HPSE: variants seen among roughly 807,000 people sequenced by gnomAD.
The protein encoded by HPSE is heparanase.
In HPSE, 48 loss-of-function variants were observed where a neutral mutation model predicts 65.1. The observed-to-expected ratio is 0.74, with a 90% CI of 0.58 to 0.94. HPSE has a LOEUF of 0.94. Among genes scored for constraint, HPSE ranks in the 40% least tolerant of loss-of-function variants. HPSE has a pLI of 0.00. For missense variants in HPSE, 644 were observed against 637.5 expected (o/e 1.01, Z -0.11); for synonymous variants, 243 against 260.0 (o/e 0.93, Z 0.63).
Position 83,313,136 on chromosome 4 carries a change from GT to G in HPSE, c.650del (p.Asn217ThrfsTer6). On this transcript the variant is annotated frameshift_variant, in exon 4 of 12. Transcript: ENST00000311412. LOFTEE classifies it high-confidence loss of function. The part of the protein sequence containing the change: ...LLDYCSSKGY[N>X]ISWELGNEPN... ...CACCATTGCCTAGTTCCCAAGAAATGTTATACCCCTTGGAAGAGCAGTAGTC... is the reference window on the plus strand; with the variant it reads ...CACCATTGCCTAGTTCCCAAGAAATGTATACCCCTTGGAAGAGCAGTAGTC... The G allele has an allele frequency of 1.2e-6, 2 of 1,612,498 alleles. No homozygotes were observed. Among genetic ancestry groups the G allele is most frequent in the Non-Finnish European group, 1.7e-6 (2 of 1,178,872 alleles).
chr4:83,310,877 G>A lies in HPSE; in HGVS notation c.687C>T (p.Phe229=). The A allele has an allele frequency of 6.2e-7, 1 of 1,612,700 alleles. No homozygotes were observed. The highest frequency in any genetic ancestry group is 1.7e-4 in the Middle Eastern group (1 of 6,052). Residue 229 remains phenylalanine, a synonymous_variant, in exon 5 of 12, where the codon TTC becomes TTT. Transcript: ENST00000311412. The part of the protein sequence containing the change: ...SWELGNEPNS[F]LKKADIFING... The stretch of plus-strand genomic sequence containing the variant: ...TGATGAAAATATCAGCCTTCTTAAG[G>A]AAACTGTTAGGTTCTGAAAGACAGC...
At position 83,318,007 on chromosome 4, in the gene HPSE, G is replaced by A. The variant is rs558272592; in HGVS notation, c.499+1337C>T. The stretch of plus-strand genomic sequence containing the variant: ...GACAACATTAGCTATTAGCATATGC[G>A]CTATTTTTTGATTTCTTATGGAACA... On this transcript the variant is annotated intron_variant, in intron 3 of 11. Coordinates refer to ENST00000311412, the MANE Select transcript of HPSE (RefSeq NM_001098540.3). Among the ~76,000 whole-genome samples, 9 of 152,166 alleles carry A rather than the reference G, an allele frequency of 5.9e-5. No individual in the cohort carries two copies. The South Asian group carries it at 6.2e-4, about 11-fold the overall frequency.
intron 2 of HPSE, among the ~76,000 whole-genome samples, chr4:83,321,503 C>T (rs554437752): frequency 2.8e-4 from 42 of 152,090 alleles, no homozygotes; most frequent in Admixed American, 2.4e-3. Flanking sequence ...ATAGAGACAA[C>T]GTCTCTCTAT....
In HPSE at chr4:83,317,231, G is replaced by C. The variant is rs144353428; in HGVS notation, c.499+2113C>G. ...TGTGTTTTAAGGGTGCAGGCCACTAGCTAAGCAATGAACATGTCCTTATCT... is the reference window on the plus strand; with the variant it reads ...TGTGTTTTAAGGGTGCAGGCCACTACCTAAGCAATGAACATGTCCTTATCT... On this transcript the variant is annotated intron_variant, in intron 3 of 11. Coordinates refer to ENST00000311412, the MANE Select transcript of HPSE (RefSeq NM_001098540.3). Among the ~76,000 whole-genome samples, 483 of 152,286 alleles carry C rather than the reference G, an allele frequency of 3.2e-3. 4 individuals are homozygous for C. The highest frequency in any genetic ancestry group is 0.017 in the Middle Eastern group (5 of 294).
intron 11 of HPSE, among the ~76,000 whole-genome samples, chr4:83,299,936 G>T (rs559982604): frequency 1.7e-4 from 26 of 152,206 alleles, no homozygotes; most frequent in Admixed American, 1.7e-3. Flanking sequence ...CTCCTGGGCT[G>T]AAGTGATCTG....
intron 11 of HPSE, among the ~76,000 whole-genome samples, chr4:83,299,399 G>A (rs9307823): frequency 0.99 from 139,075 of 140,172 alleles, 69,002 homozygotes; most frequent in South Asian, 1. Flanking sequence ...AGAAGAAAGA[G>A]AAAATGTCTA....
At chr4:83,319,259 A>T (rs1380992757) in intron 3 of HPSE, 85 bp downstream of exon 3, 1 of 1,337,702 alleles carries the variant, frequency 7.5e-7, no homozygotes, top group Non-Finnish European at 1.1e-6. Flanking sequence ...CAACTTCCGT[A>T]GGACTTGCTA....
chr4:83,298,203 C>T (rs769709236), intron 11 of HPSE, among the ~76,000 whole-genome samples: 21 of 151,950 alleles, frequency 1.4e-4, no homozygotes, highest in Non-Finnish European at 2.8e-4. Context: ...AATAACATGA[C>T]GACAAAGAAA....
intron 1 of HPSE, among the ~76,000 whole-genome samples, chr4:83,324,123 T>TTC (rs1737040765): frequency 7.2e-6 from 1 of 138,876 alleles, no homozygotes; most frequent in African/African-American, 2.8e-5. Flanking sequence ...CTTTTTTTTT[T>TTC]TTTTTTTTTT....
intron 1 of HPSE, 136 bp downstream of exon 1, chr4:83,334,420 A>C: frequency 1.1e-6 from 1 of 940,882 alleles, no homozygotes. Flanking sequence ...AGAGGCGGGA[A>C]GTGGGGTGGG....
intron 9 of HPSE, 74 bp from the exon 10 acceptor site, chr4:83,302,342 C>G (rs1174290826): frequency 3.4e-6 from 3 of 877,790 alleles, no homozygotes; most frequent in Non-Finnish European, 5.6e-6. Context: ...AAACCAGTGG[C>G]AAGCAAATAG....
At chr4:83,307,562 C>A (rs888441505) in intron 8 of HPSE, among the ~76,000 whole-genome samples, 4 of 152,134 alleles carry the variant, frequency 2.6e-5, no homozygotes, top group African/African-American at 9.7e-5. Flanking sequence ...GGTCCCTGCA[C>A]AAACAATGTG....
At chr4:83,316,881 T>C (rs749679999) in intron 3 of HPSE, among the ~76,000 whole-genome samples, 6 of 152,024 alleles carry the variant, frequency 3.9e-5, no homozygotes, top group South Asian at 4.2e-4. Flanking sequence ...TTTGTTGTTG[T>C]TGTTTTTTGT....
At chr4:83,296,532 G>A (rs1266225186) in intron 11 of HPSE, among the ~76,000 whole-genome samples, 1 of 151,928 alleles carries the variant, frequency 6.6e-6, no homozygotes, top group African/African-American at 2.4e-5. Flanking sequence ...AAAATTAGCC[G>A]GGCATGGTGG....
intron 7 of HPSE, among the ~76,000 whole-genome samples, chr4:83,309,163 A>C (rs1736270206): frequency 6.6e-6 from 1 of 152,214 alleles, no homozygotes; most frequent in African/African-American, 2.4e-5. Flanking sequence ...GAACCAACCC[A>C]TTCTTATCAT....
chr4:83,334,418 G>A, intron 1 of HPSE, 138 bp downstream of exon 1: 1 of 939,842 alleles, frequency 1.1e-6, no homozygotes, highest in Non-Finnish European at 1.6e-6. Flanking sequence ...TGAGAGGCGG[G>A]AAGTGGGGTG....
At chr4:83,296,187 A>G (rs1249106820) in intron 11 of HPSE, among the ~76,000 whole-genome samples, 3 of 152,346 alleles carry the variant, frequency 2.0e-5, no homozygotes, top group African/African-American at 7.2e-5. Context: ...TTTCTTATAC[A>G]TACTTATTAT....
At chr4:83,333,021 T>A (rs1301536244) in intron 1 of HPSE, among the ~76,000 whole-genome samples, 1 of 148,346 alleles carries the variant, frequency 6.7e-6, no homozygotes, top group Admixed American at 6.7e-5. Context: ...ATCCCCCAAC[T>A]AGTTGCTGCC....
chr4:83,302,404 A>G (rs1470072681), intron 9 of HPSE, 136 bp from the exon 10 acceptor site: 1 of 586,944 alleles, frequency 1.7e-6, no homozygotes, highest in African/African-American at 1.9e-5. Context: ...AATAGGATTC[A>G]TCTTTTTTTT....
Sources: gnomAD v4.1 joint callset for allele counts (sites outside exome capture counted in the v4.1 genomes callset) on GRCh38, gnomAD v4.1.1 for gene constraint, MANE v1.5 for transcripts, NCBI Gene and HGNC (gene_info 2026-07-23, HGNC 2026-07-21) for gene names.